Variants in GIGYF2 observed in about 807,000 individuals in gnomAD.
GIGYF2 encodes GRB10 interacting GYF protein 2, also known as GRB10-interacting GYF protein 2.
GIGYF2 carries 25 observed loss-of-function variants against 208.1 expected under a neutral mutation model. The observed-to-expected ratio is 0.12, with a 90% confidence interval of 0.09 to 0.17. GIGYF2 has a LOEUF of 0.17. GIGYF2 is among the 10% of genes least tolerant of loss of function. GIGYF2 has a pLI of 1.00. For synonymous variants in GIGYF2, 534 were observed against 543.8 expected, an observed-to-expected ratio of 0.98 and a Z score of 0.25; for missense variants, 1,302 against 1,579.4, an observed-to-expected ratio of 0.82 and a Z score of 2.98.
chr2:232,735,085 T>C (rs1393025955), intron 2 of GIGYF2, 70 bp from the exon 3 acceptor site: 1 of 752,712 alleles, frequency 1.3e-6, no homozygotes, highest in Non-Finnish European at 2.4e-6. Flanking sequence ...ACTCTCTAAC[T>C]GTACTTTCTG....
chr2:232,825,561 A>G (rs953780302), intron 21 of GIGYF2, among the ~76,000 whole-genome samples: 12 of 152,174 alleles, frequency 7.9e-5, no homozygotes, highest in Non-Finnish European at 1.5e-4. Flanking sequence ...GTTGCTTCTT[A>G]TGGAAGCAAC....
At chr2:232,723,256 T>A (rs1378930118) in intron 2 of GIGYF2, among the ~76,000 whole-genome samples, 1 of 152,214 alleles carries the variant, frequency 6.6e-6, no homozygotes, top group African/African-American at 2.4e-5. Flanking sequence ...TGTGAAACCC[T>A]AATACTTCCT....
At chr2:232,854,677 A>G (rs1559172124) in intron 28 of GIGYF2, among the ~76,000 whole-genome samples, 2 of 152,280 alleles carry the variant, frequency 1.3e-5, no homozygotes, top group East Asian at 3.9e-4. Context: ...TTTTTTGGTT[A>G]ATAAATAGGC....
At chr2:232,843,895 T>G (rs1166590982) in intron 23 of GIGYF2, 151 bp from the exon 24 acceptor site, 2 of 709,806 alleles carry the variant, frequency 2.8e-6, no homozygotes, top group Non-Finnish European at 5.1e-6. Flanking sequence ...CTGTTAGCGA[T>G]TTACATTTTT....
At chr2:232,836,187 GA>G (rs1310838823) in intron 22 of GIGYF2, among the ~76,000 whole-genome samples, 2 of 145,978 alleles carry the variant, frequency 1.4e-5, no homozygotes, top group African/African-American at 5.1e-5. Flanking sequence ...AGCACTTTGG[GA>G]GGCCGAGGCT....
chr2:232,856,970 A>G lies in GIGYF2; in HGVS notation c.*110A>G. The G allele has an allele frequency of 2.4e-6, 2 of 821,224 alleles. No individual in the cohort carries two copies. Among genetic ancestry groups the G allele is most frequent in the Non-Finnish European group, 4.3e-6 (2 of 460,302 alleles). 50.9% of individuals were successfully genotyped at this position (821,224 alleles called of 1,614,324 possible). ...ACTCTTTATCACTCTGCAACAAATC[A>G]CAGAACCGATCATCTCAGGCTTTTT... On this transcript the variant is annotated 3_prime_UTR_variant, in exon 29 of 29. Transcript: ENST00000373563.
At chr2:232,730,855 G>T (rs1280858942) in intron 2 of GIGYF2, among the ~76,000 whole-genome samples, 1 of 119,172 alleles carries the variant, frequency 8.4e-6, no homozygotes, top group Non-Finnish European at 1.6e-5. Flanking sequence ...CCGAGATCCC[G>T]CCACTGCACT....
At chr2:232,761,897 G>A (rs1698753976) in intron 8 of GIGYF2, among the ~76,000 whole-genome samples, 1 of 146,704 alleles carries the variant, frequency 6.8e-6, no homozygotes, top group Admixed American at 6.8e-5. Flanking sequence ...AAATAACTCA[G>A]ATAAATTGCA....
At chr2:232,829,124 GT>G (rs1320315996) in intron 21 of GIGYF2, among the ~76,000 whole-genome samples, 3 of 152,156 alleles carry the variant, frequency 2.0e-5, no homozygotes, top group African/African-American at 7.2e-5. Flanking sequence ...TGAAACTGCA[GT>G]TTTTGATTTG....
chr2:232,849,787 GT>G (rs1456239492), intron 27 of GIGYF2, among the ~76,000 whole-genome samples: 3 of 152,272 alleles, frequency 2.0e-5, no homozygotes, highest in Non-Finnish European at 2.9e-5. Flanking sequence ...GGGCCAGATC[GT>G]TTCTGGGATT....
intron 3 of GIGYF2, among the ~76,000 whole-genome samples, chr2:232,738,645 A>G (rs189074519): frequency 1.1e-4 from 16 of 152,338 alleles, no homozygotes; most frequent in Admixed American, 9.8e-4. Context: ...TGCCTGGCAC[A>G]TAGGTACTGA....
chr2:232,858,251 G>A lies in GIGYF2; in HGVS notation c.*1391G>A. Reference sequence around the variant, plus strand: ...CAGCCCCTGGAAAAGCACCTTTGCTGCCTGTCATTGTTGCCTGAAGAAGGC... The same window carrying A: ...CAGCCCCTGGAAAAGCACCTTTGCTACCTGTCATTGTTGCCTGAAGAAGGC... On this transcript the variant is annotated 3_prime_UTR_variant, in exon 29 of 29. Transcript: ENST00000373563. 2.9e-6 allele frequency: 1 copy of A among 342,418 alleles called. No individual in the cohort carries two copies. Among genetic ancestry groups the A allele is most frequent in the Non-Finnish European group, 5.6e-6 (1 of 177,994 alleles). 21.2% of individuals were successfully genotyped at this position (342,418 alleles called of 1,614,324 possible).
Position 232,828,153 on chromosome 2 carries a change from T to C in GIGYF2, c.2530-4704T>C, listed in dbSNP as rs191287354. Among the ~76,000 whole-genome samples the C allele has an allele frequency of 5.6e-3, 853 of 152,156 alleles. 5 individuals are homozygous for C. Among genetic ancestry groups the C allele is most frequent in the Middle Eastern group, 0.02 (6 of 294 alleles). ...CACAGATGTGTGCTACCACACCTGG[T>C]TAATTTTTGTTTTTGAAGACATAGG... is the stretch of plus-strand genomic sequence containing the variant. On this transcript the variant is annotated intron_variant, in intron 21 of 28. Transcript: ENST00000373563.
chr2:232,756,289 A>G lies in GIGYF2; in HGVS notation c.334A>G (p.Thr112Ala), dbSNP rs1171688751. ...ATTGACAGGACGAGGAGGAGGAGGA[A>G]CAGTGGTGGGGGCTCCTAGAGGTCG... is the stretch of plus-strand genomic sequence containing the variant. ...LRLTGRGGGG[T>A]VVGAPRGRSS... is the part of the protein sequence containing the mutation. Residue 112 changes from threonine to alanine, a missense_variant, in exon 6 of 29, where the codon ACA becomes GCA. Thr to Ala is a moderately conservative substitution (Grantham distance 58). Transcript: ENST00000373563. 4 of 1,586,276 alleles carry G rather than the reference A, an allele frequency of 2.5e-6. No individual in the cohort carries two copies. Among genetic ancestry groups the G allele is most frequent in the Non-Finnish European group, 3.4e-6 (4 of 1,170,732 alleles).
At chr2:232,841,288 G>A (rs188766446) in intron 23 of GIGYF2, among the ~76,000 whole-genome samples, 31 of 151,852 alleles carry the variant, frequency 2.0e-4, no homozygotes, top group Non-Finnish European at 4.1e-4. Flanking sequence ...TTTCATTCGT[G>A]TTTTCTTTTT....
chr2:232,740,410 G>C (rs1697928998), intron 3 of GIGYF2, among the ~76,000 whole-genome samples: 1 of 152,182 alleles, frequency 6.6e-6, no homozygotes, highest in South Asian at 2.1e-4. Flanking sequence ...AGCTCCTTTG[G>C]GAGTTTCCTC....
chr2:232,766,016 A>T (rs924216122), intron 8 of GIGYF2: 1 of 470,970 alleles, frequency 2.1e-6, no homozygotes, highest in African/African-American at 2.0e-5. Flanking sequence ...CAGAGCAGCC[A>T]TTCCTCCCTC....
chr2:232,826,015 C>G (rs1382621253), intron 21 of GIGYF2, among the ~76,000 whole-genome samples: 1 of 152,138 alleles, frequency 6.6e-6, no homozygotes, highest in African/African-American at 2.4e-5. Context: ...TCATCCATGT[C>G]CCTGCAAAGG....
intron 8 of GIGYF2, among the ~76,000 whole-genome samples, chr2:232,786,611 C>G (rs1475978429): frequency 6.6e-6 from 1 of 152,282 alleles, no homozygotes; most frequent in Non-Finnish European, 1.5e-5. Flanking sequence ...GCAGAATCAC[C>G]AGTAGGTGTT....
Sources: allele counts gnomAD v4.1 joint callset (sites outside exome capture counted in the v4.1 genomes callset), GRCh38; gene constraint gnomAD v4.1.1; transcripts MANE v1.5; gene names NCBI Gene and HGNC (gene_info 2026-07-23, HGNC 2026-07-21).